Variants in SCHIP1 observed in about 807,000 individuals in gnomAD.
SCHIP1 encodes the protein schwannomin interacting protein 1, also known as schwannomin-interacting protein 1.
A neutral mutation model predicts 29.7 loss-of-function variants in SCHIP1; 8 were observed. The observed-to-expected ratio is 0.27, with a 90% CI of 0.16 to 0.49. SCHIP1 has a LOEUF of 0.49. SCHIP1 is among the 20% of genes least tolerant of loss of function. The pLI, the probability that SCHIP1 is intolerant of heterozygous loss-of-function variation, is 0.99. For synonymous variants in SCHIP1, 76 were observed against 94.9 expected (o/e 0.80, Z 1.16); for missense variants, 193 against 294.6 (o/e 0.66, Z 2.52).
the SCHIP1 span, among the ~76,000 whole-genome samples, chr3:159,660,951 G>C: frequency 6.6e-6 from 1 of 152,146 alleles, no homozygotes; most frequent in African/African-American, 2.4e-5. Context: ...CTGTCCATCT[G>C]TTTATATACT....
At chr3:159,533,430 G>C in the SCHIP1 span, among the ~76,000 whole-genome samples, 1 of 152,100 alleles carries the variant, frequency 6.6e-6, no homozygotes, top group African/African-American at 2.4e-5. Flanking sequence ...TTCCTAGAAG[G>C]TGTTGCCTCT....
intron 2 of SCHIP1, among the ~76,000 whole-genome samples, chr3:159,881,955 C>T (rs773560764): frequency 6.6e-6 from 1 of 152,206 alleles, no homozygotes; most frequent in Non-Finnish European, 1.5e-5. Context: ...GAAGTTACAC[C>T]GCCAGCAGGC....
At chr3:159,313,933 G>A in the SCHIP1 span, among the ~76,000 whole-genome samples, 118,151 of 152,068 alleles carry the variant, frequency 0.78, 47,166 homozygotes, top group African/African-American at 0.94. Flanking sequence ...TAGGTTATGA[G>A]TTTGGGAGAA....
the SCHIP1 span, among the ~76,000 whole-genome samples, chr3:159,672,466 A>T: frequency 3.3e-5 from 5 of 152,238 alleles, no homozygotes; most frequent in African/African-American, 9.6e-5. Context: ...AAGAAAAAAG[A>T]TTGGAACTTA....
the SCHIP1 span, among the ~76,000 whole-genome samples, chr3:159,754,341 G>T: frequency 6.6e-6 from 1 of 152,052 alleles, no homozygotes; most frequent in Non-Finnish European, 1.5e-5. Flanking sequence ...ACTCTGGTAG[G>T]CAAAATGTTA....
chr3:159,777,468 C>T, the SCHIP1 span, among the ~76,000 whole-genome samples: 1 of 152,002 alleles, frequency 6.6e-6, no homozygotes, highest in East Asian at 1.9e-4. Context: ...AAAACAAGAC[C>T]CACTACACAC....
chr3:159,347,585 A>C, the SCHIP1 span, among the ~76,000 whole-genome samples: 1 of 152,182 alleles, frequency 6.6e-6, no homozygotes, highest in Non-Finnish European at 1.5e-5. Context: ...ACTGGATTTG[A>C]ACATTCTATG....
intron 1 of SCHIP1, among the ~76,000 whole-genome samples, chr3:159,846,364 A>G (rs1409878895): frequency 6.6e-6 from 1 of 152,202 alleles, no homozygotes; most frequent in African/African-American, 2.4e-5. Context: ...ATATCATGAT[A>G]TTCTTAAAAT....
the SCHIP1 span, among the ~76,000 whole-genome samples, chr3:159,642,270 C>T: frequency 1.3e-5 from 2 of 152,070 alleles, no homozygotes; most frequent in East Asian, 1.9e-4. Flanking sequence ...ATACTGATAT[C>T]GAGATTTTTA....
At chr3:159,563,152 G>C in the SCHIP1 span, among the ~76,000 whole-genome samples, 5 of 152,136 alleles carry the variant, frequency 3.3e-5, no homozygotes, top group Admixed American at 6.6e-5. Context: ...CAGCTCCCTG[G>C]CAGCAAGTTG....
At chr3:159,770,286 T>G in the SCHIP1 span, among the ~76,000 whole-genome samples, 1 of 152,052 alleles carries the variant, frequency 6.6e-6, no homozygotes, top group African/African-American at 2.4e-5. Flanking sequence ...TGGGGTGAAG[T>G]TTTGCTCTTG....
the SCHIP1 span, among the ~76,000 whole-genome samples, chr3:159,324,726 C>T: frequency 6.0e-4 from 92 of 152,106 alleles, no homozygotes; most frequent in African/African-American, 2.1e-3. Flanking sequence ...ATCTTTTTCT[C>T]TTATGGAGGA....
At position 159,878,536 on chromosome 3, in the gene SCHIP1, TGGGA is replaced by T. The variant is rs1311816495; in HGVS notation, c.150-7668_150-7665del. On this transcript the variant is annotated intron_variant, in intron 2 of 6. Transcript: ENST00000445224. The stretch of plus-strand genomic sequence containing the variant: ...GCTCACGCCTGTAATCCCAGCACTT[TGGGA>T]GGCCGAGGCGGGCGAATCACGAGGT... Among the ~76,000 whole-genome samples the T allele has an allele frequency of 2.0e-5, 3 of 151,474 alleles. No homozygotes were observed. In the East Asian group the frequency reaches 5.8e-4, roughly 29 times the overall value.
chr3:159,526,480 A>G, the SCHIP1 span, among the ~76,000 whole-genome samples: 3 of 152,128 alleles, frequency 2.0e-5, no homozygotes, highest in Non-Finnish European at 4.4e-5. Flanking sequence ...GAGATAACTT[A>G]TTGAACTATG....
At chr3:159,519,985 T>C in the SCHIP1 span, among the ~76,000 whole-genome samples, 2 of 151,528 alleles carry the variant, frequency 1.3e-5, no homozygotes, top group Non-Finnish European at 2.9e-5. Context: ...ATGGCAAAGT[T>C]CACAGAGACC....
chr3:159,663,633 T>C, the SCHIP1 span, among the ~76,000 whole-genome samples: 1 of 152,218 alleles, frequency 6.6e-6, no homozygotes, highest in Non-Finnish European at 1.5e-5. Flanking sequence ...TTTGTGTGTA[T>C]GATACATACA....
the SCHIP1 span, among the ~76,000 whole-genome samples, chr3:159,828,462 T>TATATATATACGTATATATAC: frequency 1.4e-4 from 13 of 90,678 alleles, no homozygotes; most frequent in East Asian, 1.6e-3. Flanking sequence ...CGTATATATA[T>TATATATATACGTATATATAC]GTATATATAC....
At chr3:159,800,317 T>TCTCCCCAGA in the SCHIP1 span, among the ~76,000 whole-genome samples, 39 of 152,318 alleles carry the variant, frequency 2.6e-4, no homozygotes, top group Middle Eastern at 6.8e-3. Context: ...ACCTCTCCAA[T>TCTCCCCAGA]GCGCAGAGAT....
the SCHIP1 span, among the ~76,000 whole-genome samples, chr3:159,655,762 G>T: frequency 2.0e-5 from 3 of 152,138 alleles, no homozygotes; most frequent in African/African-American, 7.2e-5. Context: ...AGTGGAAGGT[G>T]CCTGTAATCC....
Sources: allele counts gnomAD v4.1 joint callset (sites outside exome capture counted in the v4.1 genomes callset), GRCh38; gene constraint gnomAD v4.1.1; transcripts MANE v1.5; gene names NCBI Gene and HGNC (gene_info 2026-07-23, HGNC 2026-07-21).